Variants in RGS3 observed in about 807,000 individuals in gnomAD.
RGS3 encodes regulator of G protein signaling 3, also known as regulator of G-protein signalling 3.
A neutral mutation model predicts 132.6 loss-of-function variants in RGS3; 80 were observed. The observed-to-expected ratio is 0.60, with a 90% CI of 0.50 to 0.73. The LOEUF (loss-of-function observed/expected upper bound fraction) is 0.73, where lower values mean the gene tolerates loss of function less well. Ranked by LOEUF, RGS3 falls within the 30% of genes least tolerant of loss-of-function variation. The probability of loss-of-function intolerance (pLI) is 0.00; values close to 1 mark genes in which losing one functional copy is unlikely to be tolerated. For synonymous variants in RGS3, 598 were observed against 620.6 expected, an observed-to-expected ratio of 0.96 and a Z score of 0.54; for missense variants, 1,382 against 1,530.8, an observed-to-expected ratio of 0.90 and a Z score of 1.62.
rs926988918 is a variant in RGS3 at position 113,506,590 on chromosome 9, C to T, written c.1085+97C>T. On this transcript the variant is annotated intron_variant, in intron 12 of 24. Coordinates refer to ENST00000350696, the Ensembl canonical transcript of RGS3. This position sits in a 1 kb window ranked among gnomAD's most constrained non-coding sequence, Gnocchi z 4.7. ...CTTGCCTGGCCCAGCTCTTGCTGCT[C>T]CCTCTTTTGCCTAGCTGTGAGCAGG... The T allele has an allele frequency of 2.8e-5, 21 of 749,890 alleles. No homozygotes were observed. Among genetic ancestry groups the T allele is most frequent in the East Asian group, 1.4e-4 (5 of 36,704 alleles). The allele number at this position is 749,890 out of a possible 1,614,324, so 46.5% of individuals were successfully genotyped here. A position where few individuals can be genotyped will look rare whatever the true frequency, so the allele number is the denominator to read the frequency against.
intron 7 of RGS3, among the ~76,000 whole-genome samples, chr9:113,493,496 G>A (rs1830588388): frequency 6.6e-6 from 1 of 152,202 alleles, no homozygotes; most frequent in Admixed American, 6.5e-5. Context: ...TTTGCAGGCA[G>A]GTGGACCAGT....
chr9:113,536,021 GGCCAT>G (rs1249784270), intron 18 of RGS3, among the ~76,000 whole-genome samples: 3 of 152,274 alleles, frequency 2.0e-5, no homozygotes, highest in Admixed American at 6.5e-5. Context: ...AGCTTACCAA[GGCCAT>G]TGCTTGCTAA....
intron 10 of RGS3, among the ~76,000 whole-genome samples, chr9:113,499,822 C>T (rs1408299628): frequency 6.6e-6 from 1 of 152,212 alleles, no homozygotes; most frequent in Non-Finnish European, 1.5e-5. Context: ...TTCAGTTTAC[C>T]TGGCACATGT....
chr9:113,496,375 G>A (rs930764246), intron 8 of RGS3, among the ~76,000 whole-genome samples: 7 of 152,046 alleles, frequency 4.6e-5, no homozygotes, highest in African/African-American at 1.4e-4. Context: ...CAATTTCTAC[G>A]CTGCACTGGA....
At chr9:113,568,423 C>A (rs1388482405) in intron 19 of RGS3, among the ~76,000 whole-genome samples, 1 of 152,248 alleles carries the variant, frequency 6.6e-6, no homozygotes, top group Non-Finnish European at 1.5e-5. Context: ...GGCAAATATG[C>A]CTTGTTTCTC....
At chr9:113,583,603 G>A (rs775410675) in exon 20 of RGS3, 20 of 1,614,004 alleles carry the variant, frequency 1.2e-5, no homozygotes, top group Non-Finnish European at 1.7e-5. Context: ...CTCCCCTTCT[G>A]GGCAGGAACC....
intron 19 of RGS3, among the ~76,000 whole-genome samples, chr9:113,538,957 C>T (rs1426898359): frequency 6.6e-6 from 1 of 152,190 alleles, no homozygotes; most frequent in African/African-American, 2.4e-5. Flanking sequence ...TCTCACTGCT[C>T]AAAATTCCCC....
chr9:113,454,935 C>T (rs1449769542), intron 1 of RGS3, among the ~76,000 whole-genome samples: 2 of 152,136 alleles, frequency 1.3e-5, no homozygotes, highest in Non-Finnish European at 2.9e-5. Context: ...CCCATGAGCT[C>T]ATTAGCACTT....
rs1832720034 is a variant in RGS3, at chr9:113,537,267, C to T, written c.2037+349C>T. 6.6e-6 allele frequency among the ~76,000 whole-genome samples: 1 copy of T among 152,228 alleles called. No homozygotes were observed. The highest frequency in any genetic ancestry group is 1.5e-5 in the Non-Finnish European group (1 of 68,034). On this transcript the variant is annotated intron_variant, in intron 19 of 24. Transcript: ENST00000350696. The surrounding 1 kb of genome is among the most constrained non-coding windows in gnomAD (Gnocchi z 4.3). ...CACCTCTGCCATTGGGTAGCCTGTG[C>T]CTGGGGGCAGCACACTGGTGTTTAA...
At chr9:113,483,510 T>C (rs1279455898) in intron 5 of RGS3, among the ~76,000 whole-genome samples, 1 of 152,212 alleles carries the variant, frequency 6.6e-6, no homozygotes, top group East Asian at 1.9e-4. Flanking sequence ...CTCTGAGGGC[T>C]GGAAGATCCT....
At chr9:113,456,608 C>A (rs759136211), upstream of RGS3, among the ~76,000 whole-genome samples, 1 of 151,844 alleles carries the variant, frequency 6.6e-6, no homozygotes, top group South Asian at 2.1e-4. Context: ...TTTTTGCTTC[C>A]GACCCTCATG....
intron 14 of RGS3, among the ~76,000 whole-genome samples, chr9:113,512,264 C>G (rs116356481): frequency 6.6e-6 from 1 of 152,244 alleles, no homozygotes; most frequent in African/African-American, 2.4e-5. Flanking sequence ...AACAAAGGGT[C>G]CAGGGCCTGG....
intron 19 of RGS3, chr9:113,541,603 A>G (rs191571461): frequency 8.1e-5 from 106 of 1,305,774 alleles, no homozygotes; most frequent in Non-Finnish European, 1.0e-4. Flanking sequence ...AAGGACCACA[A>G]TGGTGTGAGA....
chr9:113,561,266 C>T (rs770188714), intron 19 of RGS3, among the ~76,000 whole-genome samples: 1 of 152,188 alleles, frequency 6.6e-6, no homozygotes, highest in Non-Finnish European at 1.5e-5. Flanking sequence ...CTCAAGTTAT[C>T]CCCCTGCCTC....
intron 3 of RGS3, chr9:113,479,005 G>A (rs1212036479): frequency 5.4e-5 from 9 of 168,182 alleles, no homozygotes; most frequent in Admixed American, 2.2e-4. Flanking sequence ...ATGCTGTAGT[G>A]CCAGCCTTTG....
At chr9:113,514,337 C>A in intron 14 of RGS3, 121 bp from the exon 13 acceptor site, 1 of 908,278 alleles carries the variant, frequency 1.1e-6, no homozygotes, top group Non-Finnish European at 1.7e-6. Flanking sequence ...GGGCCTGGCA[C>A]AAAGTAGCTG....
chr9:113,475,483 A>T (rs915222999), intron 3 of RGS3, among the ~76,000 whole-genome samples: 5 of 152,116 alleles, frequency 3.3e-5, no homozygotes, highest in African/African-American at 1.2e-4. Flanking sequence ...ATAGCTCACT[A>T]CAACTTCAAC....
rs1165564226 is a variant in RGS3, at chr9:113,531,498, G to A, written c.1914+2234G>A. 4.6e-5 allele frequency among the ~76,000 whole-genome samples: 7 copies of A among 152,298 alleles called. No individual in the cohort carries two copies. The East Asian group carries it at 1.2e-3, about 25-fold the overall frequency. The stretch of plus-strand genomic sequence containing the variant: ...TTGCATCCAAAGCACTTAGCACAGA[G>A]CCTGGCACACAGTGAGCGCTCAATA... On this transcript the variant is annotated intron_variant, in intron 18 of 24. Coordinates refer to ENST00000350696, the Ensembl canonical transcript of RGS3.
Position 113,493,021 on chromosome 9 carries a change from A to G in RGS3, c.690-2765A>G, listed in dbSNP as rs1479730695. On this transcript the variant is annotated intron_variant, in intron 7 of 24. Coordinates refer to ENST00000350696, the Ensembl canonical transcript of RGS3. ...TGGAGACTTTGAAAGTTTCAGCCCT[A>G]CCCAGTAGGAAAGAAGTGTACAACA... 2.0e-5 allele frequency among the ~76,000 whole-genome samples: 3 copies of G among 152,234 alleles called. No homozygotes were observed. The East Asian group carries it at 5.8e-4, about 29-fold the overall frequency.
Sources: gnomAD v4.1 joint callset for allele counts (sites outside exome capture counted in the v4.1 genomes callset) on GRCh38, gnomAD v4.1.1 for gene constraint, Gnocchi (gnomAD v3.1) non-coding constraint, MANE v1.5 for transcripts, NCBI Gene and HGNC (gene_info 2026-07-23, HGNC 2026-07-21) for gene names.